Variants in CENPS observed in about 807,000 individuals in gnomAD.
CENPS encodes the protein centromere protein S.
Under a neutral mutation model 17.9 loss-of-function variants are expected in CENPS, and 16 were observed. The ratio of observed to expected loss-of-function variants is 0.90; its 90% confidence interval spans 0.61 to 1.36. The LOEUF (loss-of-function observed/expected upper bound fraction) is 1.36, where lower values mean the gene tolerates loss of function less well. Among genes scored for constraint, CENPS ranks in the 40% most tolerant of loss-of-function variants. The pLI is 0.00. For missense variants in CENPS, 160 were observed against 158.6 expected (o/e 1.01, Z -0.05); for synonymous variants, 49 against 55.8 (o/e 0.88, Z 0.54).
intron 3 of CENPS, among the ~76,000 whole-genome samples, chr1:10,438,390 C>T (rs1640266564): frequency 6.6e-6 from 1 of 152,172 alleles, no homozygotes. Flanking sequence ...AATGATCCAC[C>T]CACCTCGGCC....
Position 10,440,352 on chromosome 1 carries a change from C to A in CENPS, c.215C>A (p.Ala72Glu). ...AKDLEMFARH[A>E]KRTTINTEDV... is the part of the protein sequence containing the mutation. ...TGCTTCTGCCCTTTCTGCAGACATG[C>A]GAAAAGAACCACAATTAACACTGAA... Residue 72 changes from alanine to glutamate, a missense_variant, in exon 4 of 5, where the codon GCG becomes GAG. Physicochemically the swap from Ala to Glu is moderately radical, Grantham distance 107. Coordinates refer to ENST00000309048, the MANE Select transcript of CENPS (RefSeq NM_199294.3). 1 of 1,613,392 alleles carries A rather than the reference C, an allele frequency of 6.2e-7. No individual in the cohort carries two copies. Among genetic ancestry groups the A allele is most frequent in the South Asian group, 1.1e-5 (1 of 90,888 alleles).
rs1183402117 is a variant in CENPS at position 10,440,522 on chromosome 1, C to T, written c.276+109C>T. 3.5e-6 allele frequency: 5 copies of T among 1,437,012 alleles called. No homozygotes were observed. In the South Asian group the frequency reaches 5.5e-5, roughly 16 times the overall value. 89.0% of individuals were successfully genotyped at this position (1,437,012 alleles called of 1,614,324 possible). A position where few individuals can be genotyped will look rare whatever the true frequency, so the allele number is the denominator to read the frequency against. On this transcript the variant is annotated intron_variant, in intron 4 of 4. Transcript: ENST00000309048. ...TCCCCAGGGCACCTTGCATTAGAAACTAGAGGTGGCTGAACCATTCAGACC... is the reference window on the plus strand; with the variant it reads ...TCCCCAGGGCACCTTGCATTAGAAATTAGAGGTGGCTGAACCATTCAGACC...
At chr1:10,430,650 C>T (rs1360147643) in intron 1 of CENPS, 82 bp downstream of exon 1, 2 of 1,476,894 alleles carry the variant, frequency 1.4e-6, no homozygotes, top group Non-Finnish European at 1.8e-6. Flanking sequence ...CAGCCCCCGG[C>T]GGCTTCTCAT....
At chr1:10,435,641 CCTTTA>C (rs1179421803) in intron 3 of CENPS, among the ~76,000 whole-genome samples, 1 of 150,412 alleles carries the variant, frequency 6.6e-6, no homozygotes, top group African/African-American at 2.5e-5. Flanking sequence ...GATATTAATA[CCTTTA>C]CTTGTTATTT....
chr1:10,435,981 ATTT>A (rs141993546), intron 3 of CENPS, among the ~76,000 whole-genome samples: 4 of 142,402 alleles, frequency 2.8e-5, no homozygotes, highest in Admixed American at 7.0e-5. Flanking sequence ...TAAGAGGTTG[ATTT>A]TTTTTTTTTT....
At chr1:10,431,437 C>G (rs1032274293) in intron 1 of CENPS, 1 of 1,532,956 alleles carries the variant, frequency 6.5e-7, no homozygotes, top group Non-Finnish European at 8.7e-7. Flanking sequence ...CCTTGATTCA[C>G]CACTAGTTAG....
chr1:10,434,177 G>A (rs1640048362), intron 2 of CENPS, among the ~76,000 whole-genome samples: 1 of 152,184 alleles, frequency 6.6e-6, no homozygotes, highest in African/African-American at 2.4e-5. Flanking sequence ...CACTAACACT[G>A]GGGCATTAAC....
At chr1:10,432,865 G>T (rs563492722) in intron 1 of CENPS, among the ~76,000 whole-genome samples, 2 of 152,090 alleles carry the variant, frequency 1.3e-5, no homozygotes, top group African/African-American at 4.8e-5. Context: ...TGTGATCTTC[G>T]TGCCTCCCAG....
intron 1 of CENPS, chr1:10,430,946 C>G: frequency 8.0e-7 from 1 of 1,244,208 alleles, no homozygotes; most frequent in Non-Finnish European, 1.0e-6. Context: ...GTGGGCGGTT[C>G]GGGCCGGAGC....
intron 4 of CENPS, among the ~76,000 whole-genome samples, chr1:10,441,313 C>CTTTTTTTTTTT (rs747986112): frequency 9.1e-6 from 1 of 109,574 alleles, no homozygotes. Flanking sequence ...TGTGCCACAA[C>CTTTTTTTTTTT]TTTTTTTTTT....
At chr1:10,431,101 G>A in intron 1 of CENPS, 1 of 1,400,130 alleles carries the variant, frequency 7.1e-7, no homozygotes, top group Non-Finnish European at 9.3e-7. Context: ...CGGCCCAGAC[G>A]CAATTTTCTT....
chr1:10,441,620 C>CTTT (rs34369229), intron 4 of CENPS, among the ~76,000 whole-genome samples: 515 of 48,356 alleles, frequency 0.011, 33 homozygotes, highest in Non-Finnish European at 0.013. Context: ...GGCTACAACT[C>CTTT]TTTTTTTTTT....
chr1:10,440,967 T>A (rs189020817), intron 4 of CENPS, among the ~76,000 whole-genome samples: 1 of 152,164 alleles, frequency 6.6e-6, no homozygotes, highest in Non-Finnish European at 1.5e-5. Context: ...TGCTAGACAT[T>A]AAAGCACGTG....
At chr1:10,431,973 A>G (rs191415454) in intron 1 of CENPS, among the ~76,000 whole-genome samples, 1 of 147,964 alleles carries the variant, frequency 6.8e-6, no homozygotes, top group Non-Finnish European at 1.5e-5. Flanking sequence ...AAGTGCCCCC[A>G]CTTGTCCTAA....
chr1:10,432,725 C>T (rs1639977557), intron 1 of CENPS, among the ~76,000 whole-genome samples: 1 of 152,084 alleles, frequency 6.6e-6, no homozygotes, highest in African/African-American at 2.4e-5. Flanking sequence ...GACCCCCACC[C>T]ATACCTAAAA....
chr1:10,441,811 G>T (rs1305697024), intron 4 of CENPS, among the ~76,000 whole-genome samples: 1 of 151,546 alleles, frequency 6.6e-6, no homozygotes, highest in Non-Finnish European at 1.5e-5. Flanking sequence ...ATTTTTAGTA[G>T]AGACGGGGTT....
chr1:10,441,575 A>T (rs138898188), intron 4 of CENPS, among the ~76,000 whole-genome samples: 44 of 149,920 alleles, frequency 2.9e-4, no homozygotes, highest in African/African-American at 1.0e-3. Flanking sequence ...TGGACTCCCA[A>T]AGTGCTGGGA....
intron 3 of CENPS, 84 bp downstream of exon 3, chr1:10,434,774 T>A: frequency 6.7e-7 from 1 of 1,483,052 alleles, no homozygotes; most frequent in Non-Finnish European, 8.9e-7. Flanking sequence ...TCAGGAGAGC[T>A]TTAGCTATTC....
intron 3 of CENPS, among the ~76,000 whole-genome samples, chr1:10,438,309 T>C (rs1223580487): frequency 6.6e-6 from 1 of 152,018 alleles, no homozygotes; most frequent in Admixed American, 6.6e-5. Flanking sequence ...CATGCCCGGG[T>C]AATTTTTGTC....
Sources: allele counts gnomAD v4.1 joint callset (sites outside exome capture counted in the v4.1 genomes callset), GRCh38; gene constraint gnomAD v4.1.1; transcripts MANE v1.5; gene names NCBI Gene and HGNC (gene_info 2026-07-23, HGNC 2026-07-21).